Variants in PPARGC1A observed in about 807,000 individuals in gnomAD.
The protein encoded by PPARGC1A is PPARG coactivator 1 alpha.
A neutral mutation model predicts 88.7 loss-of-function variants in PPARGC1A; 25 were observed. That is an observed-to-expected ratio of 0.28 (90% CI 0.21 to 0.39). PPARGC1A has a LOEUF of 0.39. Ranked by LOEUF, PPARGC1A falls within the 10% of genes least tolerant of loss-of-function variation. The pLI, the probability that PPARGC1A is intolerant of heterozygous loss-of-function variation, is 1.00. For missense variants in PPARGC1A, 880 were observed against 968.7 expected, an observed-to-expected ratio of 0.91 and a Z score of 1.22; for synonymous variants, 363 against 355.6, an observed-to-expected ratio of 1.02 and a Z score of -0.24.
chr4:24,427,963 T>A, the PPARGC1A span, among the ~76,000 whole-genome samples: 3 of 151,856 alleles, frequency 2.0e-5, no homozygotes, highest in Non-Finnish European at 4.4e-5. Context: ...AAAATTTTTT[T>A]AATTAGCCAG....
At chr4:23,844,833 A>AATATATGATATATATTATTATG in intron 2 of PPARGC1A, among the ~76,000 whole-genome samples, 1 of 124,866 alleles carries the variant, frequency 8.0e-6, no homozygotes. Flanking sequence ...ATATTATTAT[A>AATATATGATATATATTATTATG]ATATATGATA....
the PPARGC1A span, among the ~76,000 whole-genome samples, chr4:24,003,488 G>C: frequency 6.6e-6 from 1 of 152,204 alleles, no homozygotes; most frequent in Non-Finnish European, 1.5e-5. Context: ...TCAGAAATTA[G>C]TAAACACATC....
chr4:24,167,776 C>G, the PPARGC1A span, among the ~76,000 whole-genome samples: 2 of 152,120 alleles, frequency 1.3e-5, no homozygotes, highest in Non-Finnish European at 2.9e-5. Context: ...TTTGTTGAGA[C>G]AGAGTCTCAC....
the PPARGC1A span, among the ~76,000 whole-genome samples, chr4:24,149,142 C>T: frequency 2.6e-5 from 4 of 151,916 alleles, no homozygotes; most frequent in Non-Finnish European, 4.4e-5. Context: ...CAAAGAGAAT[C>T]CTGAAAACTG....
chr4:24,126,860 A>G, the PPARGC1A span, among the ~76,000 whole-genome samples: 1 of 152,164 alleles, frequency 6.6e-6, no homozygotes, highest in African/African-American at 2.4e-5. Context: ...CTCAGATACA[A>G]TTACTTTTTT....
chr4:24,175,849 G>A, the PPARGC1A span, among the ~76,000 whole-genome samples: 8 of 151,954 alleles, frequency 5.3e-5, no homozygotes, highest in Middle Eastern at 3.4e-3. Flanking sequence ...CCAGAATCTC[G>A]TTTATTTCAC....
chr4:24,408,808 A>C, the PPARGC1A span, among the ~76,000 whole-genome samples: 7 of 152,200 alleles, frequency 4.6e-5, no homozygotes, highest in Non-Finnish European at 8.8e-5. Context: ...GAGACCCCAG[A>C]CGAAAACTGC....
At chr4:23,829,736 C>T in intron 3 of PPARGC1A, 151 bp from the exon 4 acceptor site, 4 of 660,722 alleles carry the variant, frequency 6.1e-6, no homozygotes, top group South Asian at 4.8e-5. Flanking sequence ...CGCAATAGTG[C>T]TACAGGAAAT....
At position 23,885,915 on chromosome 4, in the gene PPARGC1A, A is replaced by G. The variant is rs61476801; in HGVS notation, c.55-984T>C. Among the ~76,000 whole-genome samples the G allele has an allele frequency of 4.0e-3, 612 of 152,298 alleles. 4 individuals carry two copies. Among genetic ancestry groups the G allele is most frequent in the Admixed American group, 8.2e-3 (125 of 15,294 alleles). On this transcript the variant is annotated intron_variant, in intron 1 of 12. Transcript: ENST00000264867. ...TTATTTTAGATTGTCAAAGCATTTC[A>G]TCCCCTTACATGAAATAGACAGTCT...
At chr4:23,868,580 C>G (rs1712570351) in intron 2 of PPARGC1A, among the ~76,000 whole-genome samples, 1 of 152,140 alleles carries the variant, frequency 6.6e-6, no homozygotes, top group South Asian at 2.1e-4. Context: ...TATAATGCAC[C>G]TTGAGAGATT....
the PPARGC1A span, among the ~76,000 whole-genome samples, chr4:24,115,387 G>A: frequency 6.6e-6 from 1 of 152,148 alleles, no homozygotes; most frequent in Non-Finnish European, 1.5e-5. Context: ...TTCTGGCAAA[G>A]GGCAGGTAGC....
the PPARGC1A span, among the ~76,000 whole-genome samples, chr4:24,168,733 G>A: frequency 1.3e-5 from 2 of 151,962 alleles, no homozygotes; most frequent in Non-Finnish European, 1.5e-5. Context: ...GCCAAAGCCA[G>A]AACAAGAAAA....
chr4:24,071,208 C>G, the PPARGC1A span, among the ~76,000 whole-genome samples: 1 of 152,040 alleles, frequency 6.6e-6, no homozygotes, highest in Admixed American at 6.6e-5. Context: ...AGACACACAC[C>G]CACATGCATG....
chr4:23,801,490 A>G (rs546252124), intron 12 of PPARGC1A, among the ~76,000 whole-genome samples: 1 of 152,134 alleles, frequency 6.6e-6, no homozygotes, highest in Non-Finnish European at 1.5e-5. Context: ...ATACATACCT[A>G]CCACAATTTT....
chr4:23,863,194 C>G (rs1243412152), intron 2 of PPARGC1A, among the ~76,000 whole-genome samples: 3 of 152,090 alleles, frequency 2.0e-5, no homozygotes. Flanking sequence ...GTCACCATCA[C>G]CCCCTAATTC....
At chr4:23,796,708 T>C (rs1320325364) in intron 12 of PPARGC1A, among the ~76,000 whole-genome samples, 3 of 152,146 alleles carry the variant, frequency 2.0e-5, no homozygotes, top group Non-Finnish European at 4.4e-5. Flanking sequence ...TTGACTTCTA[T>C]GAAAAAGCTA....
chr4:24,146,548 C>T, the PPARGC1A span, among the ~76,000 whole-genome samples: 3 of 152,216 alleles, frequency 2.0e-5, no homozygotes, highest in East Asian at 1.9e-4. Context: ...GGAGGCACAA[C>T]GTCATTAGAT....
At chr4:24,154,611 C>T in the PPARGC1A span, among the ~76,000 whole-genome samples, 5 of 152,142 alleles carry the variant, frequency 3.3e-5, no homozygotes, top group Non-Finnish European at 7.4e-5. Flanking sequence ...GACTTCGAGT[C>T]AGGTGAAGCG....
the PPARGC1A span, among the ~76,000 whole-genome samples, chr4:23,921,806 A>G: frequency 1.3e-5 from 2 of 152,326 alleles, no homozygotes; most frequent in African/African-American, 4.8e-5. Context: ...AGTTAAAATA[A>G]TAATGATTCT....
Sources: gnomAD v4.1 joint callset for allele counts (sites outside exome capture counted in the v4.1 genomes callset) on GRCh38, gnomAD v4.1.1 for gene constraint, MANE v1.5 for transcripts, NCBI Gene and HGNC (gene_info 2026-07-23, HGNC 2026-07-21) for gene names.